MROH9: variants seen among roughly 807,000 people sequenced by gnomAD.
MROH9 encodes maestro heat like repeat family member 9.
A neutral mutation model predicts 98.2 loss-of-function variants in MROH9; 92 were observed. The observed-to-expected ratio is 0.94, with a 90% confidence interval of 0.79 to 1.11. The LOEUF is 1.11. MROH9 is among the 50% of genes most tolerant of loss of function. The pLI is 0.00. For synonymous variants in MROH9, 397 were observed against 368.9 expected (o/e 1.08, Z -0.87); for missense variants, 1,057 against 1,014.8 (o/e 1.04, Z -0.57).
rs750578102 is a variant in MROH9, at chr1:171,025,347, T to C, written c.2208T>C (p.Asp736=). The C allele has an allele frequency of 1.3e-6, 2 of 1,549,926 alleles. No homozygotes were observed. Among genetic ancestry groups the C allele is most frequent in the South Asian group, 1.2e-5 (1 of 84,004 alleles). Reference sequence around the variant, plus strand: ...TTTCTCATAGGAACTACATTACAGATTTGACATCTGATACCTTACGATTCC... The same window carrying C: ...TTTCTCATAGGAACTACATTACAGACTTGACATCTGATACCTTACGATTCC... The part of the protein sequence containing the change: ...LIISHRNYIT[D]LTSDTLRFLW... The change falls in exon 20 of 22, where the codon GAT becomes GAC. Residue 736 remains aspartate, a synonymous_variant. Transcript: ENST00000367759.
At chr1:170,948,080 G>A (rs1649403892) in intron 3 of MROH9, among the ~76,000 whole-genome samples, 1 of 151,984 alleles carries the variant, frequency 6.6e-6, no homozygotes, top group Non-Finnish European at 1.5e-5. Flanking sequence ...AGCAGAGATT[G>A]TGATTATTCA....
chr1:170,991,337 G>T (rs1474046010), intron 11 of MROH9, among the ~76,000 whole-genome samples: 1 of 152,094 alleles, frequency 6.6e-6, no homozygotes, highest in African/African-American at 2.4e-5. Flanking sequence ...GCATATGAGA[G>T]TTGATGTCCA....
At chr1:171,045,032 C>T (rs1474884294) in intron 20 of MROH9, among the ~76,000 whole-genome samples, 19 of 81,390 alleles carry the variant, frequency 2.3e-4, no homozygotes, top group Admixed American at 8.1e-4. Flanking sequence ...GATGGAGTCT[C>T]GCTCTTTCAC....
At chr1:170,977,859 A>C (rs1295982783) in intron 8 of MROH9, among the ~76,000 whole-genome samples, 1 of 152,170 alleles carries the variant, frequency 6.6e-6, no homozygotes, top group Non-Finnish European at 1.5e-5. Context: ...TGCTCAGTGC[A>C]ATCAACCCAG....
At chr1:170,999,541 T>C (rs369739984) in intron 15 of MROH9, among the ~76,000 whole-genome samples, 26 of 143,674 alleles carry the variant, frequency 1.8e-4, no homozygotes, top group East Asian at 1.4e-3. Flanking sequence ...TATATATATA[T>C]ACACACACAC....
Position 171,021,902 on chromosome 1 carries a change from G to GAA in MROH9, c.1909-2482_1909-2481dup, listed in dbSNP as rs531816242. Among the ~76,000 whole-genome samples, 100 of 129,714 alleles carry GAA rather than the reference G, an allele frequency of 7.7e-4. 1 individual carries two copies. In the South Asian group the frequency reaches 0.014, roughly 19 times the overall value. The allele number at this position is 129,714 out of a possible 152,430, so 85.1% of individuals were successfully genotyped here. A position where few individuals can be genotyped will look rare whatever the true frequency, so the allele number is the denominator to read the frequency against. ...ATCTACAAGAAACTTAAATTTACAA[G>GAA]AAAAAAAAAAAATGACCCCATCAAA... On this transcript the variant is annotated intron_variant, in intron 17 of 21. Transcript: ENST00000367759.
intron 21 of MROH9, among the ~76,000 whole-genome samples, chr1:171,062,823 T>G (rs1462708016): frequency 6.6e-6 from 1 of 152,212 alleles, no homozygotes; most frequent in African/African-American, 2.4e-5. Context: ...TAGAGCAGTT[T>G]CAGGTTCACA....
chr1:170,961,516 C>T (rs912025626), intron 5 of MROH9, among the ~76,000 whole-genome samples: 1 of 152,118 alleles, frequency 6.6e-6, no homozygotes, highest in African/African-American at 2.4e-5. Flanking sequence ...CATTCATAAA[C>T]ATGGAAAATC....
At chr1:170,966,457 A>G (rs1008039304) in intron 7 of MROH9, among the ~76,000 whole-genome samples, 11 of 152,050 alleles carry the variant, frequency 7.2e-5, no homozygotes, top group Non-Finnish European at 1.3e-4. Context: ...TGATTGCTGG[A>G]GTCACTTCAG....
chr1:170,993,194 G>C (rs1197777155), intron 12 of MROH9, among the ~76,000 whole-genome samples: 1 of 152,070 alleles, frequency 6.6e-6, no homozygotes, highest in Admixed American at 6.6e-5. Context: ...TGCAATCAAG[G>C]CTTCTAAAAG....
At chr1:171,051,610 CAA>C (rs1243479189) in intron 20 of MROH9, among the ~76,000 whole-genome samples, 3 of 152,184 alleles carry the variant, frequency 2.0e-5, no homozygotes, top group Admixed American at 2.0e-4. Flanking sequence ...GGAGGGAGAA[CAA>C]GAGGATAAAT....
At chr1:170,971,621 C>T (rs1281176179) in intron 7 of MROH9, 127 bp from the exon 8 acceptor site, 2 of 1,080,066 alleles carry the variant, frequency 1.9e-6, no homozygotes, top group Admixed American at 2.2e-5. Context: ...GATTTGATTA[C>T]AGATATTGTA....
intron 20 of MROH9, among the ~76,000 whole-genome samples, chr1:171,049,696 TTTTA>T (rs1302883617): frequency 6.6e-6 from 1 of 152,042 alleles, no homozygotes; most frequent in African/African-American, 2.4e-5. Context: ...TCTTTTTTTT[TTTTA>T]TTTGAGACAT....
At chr1:170,938,228 C>T (rs1183945705) in intron 1 of MROH9, among the ~76,000 whole-genome samples, 5 of 152,142 alleles carry the variant, frequency 3.3e-5, no homozygotes, top group African/African-American at 9.7e-5. Context: ...GTCGTGTCCC[C>T]TGATGGAAGA....
intron 20 of MROH9, among the ~76,000 whole-genome samples, chr1:171,026,304 T>C (rs1448509097): frequency 2.0e-5 from 3 of 151,648 alleles, no homozygotes; most frequent in Admixed American, 1.3e-4. Flanking sequence ...AGACAGAATC[T>C]TGCTCTGTCA....
chr1:171,039,507 C>T (rs890940452), intron 20 of MROH9, among the ~76,000 whole-genome samples: 2 of 152,068 alleles, frequency 1.3e-5, no homozygotes, highest in African/African-American at 4.8e-5. Flanking sequence ...ACAAAAATAT[C>T]AAGAGGTCAC....
At chr1:171,017,716 C>G (rs1203613241) in intron 17 of MROH9, among the ~76,000 whole-genome samples, 2 of 152,170 alleles carry the variant, frequency 1.3e-5, no homozygotes, top group African/African-American at 2.4e-5. Context: ...CCTGCTGGAG[C>G]CAGTGAGACT....
At chr1:170,942,368 GACACAC>G (rs10529238) in intron 1 of MROH9, among the ~76,000 whole-genome samples, 35,026 of 144,766 alleles carry the variant, frequency 0.24, 4,269 homozygotes, top group African/African-American at 0.27. Flanking sequence ...ATGTAGAGTA[GACACAC>G]ACACACACAC....
intron 8 of MROH9, among the ~76,000 whole-genome samples, chr1:170,972,105 G>A (rs1650482191): frequency 6.6e-6 from 1 of 152,130 alleles, no homozygotes; most frequent in African/African-American, 2.4e-5. Context: ...ACTGTGCTTA[G>A]ATTACTTGAG....
Sources: gnomAD v4.1 joint callset for allele counts (sites outside exome capture counted in the v4.1 genomes callset) on GRCh38, gnomAD v4.1.1 for gene constraint, MANE v1.5 for transcripts, NCBI Gene and HGNC (gene_info 2026-07-23, HGNC 2026-07-21) for gene names.